Variants in CDIN1 observed in about 807,000 individuals in gnomAD.
The protein encoded by CDIN1 is CDAN1-interacting nuclease 1.
In CDIN1, 33 loss-of-function variants were observed where a neutral mutation model predicts 45.3. The ratio of observed to expected loss-of-function variants is 0.73; its 90% confidence interval spans 0.55 to 0.97. The LOEUF is 0.97. Ranked by LOEUF, CDIN1 falls within the 50% of genes least tolerant of loss-of-function variation. The pLI, the probability that CDIN1 is intolerant of heterozygous loss-of-function variation, is 0.00. For synonymous variants in CDIN1, 118 were observed against 124.4 expected (o/e 0.95, Z 0.34); for missense variants, 303 against 339.4 (o/e 0.89, Z 0.84).
intron 10 of CDIN1, among the ~76,000 whole-genome samples, chr15:36,718,017 G>A (rs2043273942): frequency 3.0e-5 from 2 of 66,402 alleles, no homozygotes; most frequent in African/African-American, 9.3e-5. Flanking sequence ...TTAGTTAATT[G>A]AGTTGCTTTC....
chr15:36,635,604 A>G (rs1417707316), intron 1 of CDIN1, among the ~76,000 whole-genome samples: 1 of 152,140 alleles, frequency 6.6e-6, no homozygotes, highest in Admixed American at 6.5e-5. Context: ...TCAGTTGCAT[A>G]AGGACACATG....
At chr15:36,802,109 G>A (rs1267668541) in intron 10 of CDIN1, among the ~76,000 whole-genome samples, 1 of 152,212 alleles carries the variant, frequency 6.6e-6, no homozygotes, top group East Asian at 1.9e-4. Context: ...GTAAAGCATA[G>A]TAGTTACAAG....
intron 5 of CDIN1, among the ~76,000 whole-genome samples, chr15:36,660,136 A>G (rs998870366): frequency 2.6e-5 from 4 of 152,032 alleles, no homozygotes; most frequent in African/African-American, 9.7e-5. Context: ...GAGTTTTGTA[A>G]TGTGTTTCCA....
At chr15:36,689,072 T>C (rs561372889) in intron 5 of CDIN1, among the ~76,000 whole-genome samples, 1 of 152,344 alleles carries the variant, frequency 6.6e-6, no homozygotes, top group African/African-American at 2.4e-5. Context: ...ACTGACTTCC[T>C]CTGGCAAGTT....
chr15:36,667,434 G>A lies in CDIN1; in HGVS notation c.346+9529G>A, dbSNP rs1005657645. Reference sequence around the variant, plus strand: ...GTGTAGCACCTAAAACGCTTTGTGTGTACAGCTATAAAAAGAAAGTAATGT... The same window carrying A: ...GTGTAGCACCTAAAACGCTTTGTGTATACAGCTATAAAAAGAAAGTAATGT... On this transcript the variant is annotated intron_variant, in intron 5 of 10. Coordinates refer to ENST00000566621, the MANE Select transcript of CDIN1 (RefSeq NM_001321759.2). Among the ~76,000 whole-genome samples, 6 of 152,276 alleles carry A rather than the reference G, an allele frequency of 3.9e-5. No individual in the cohort carries two copies. The East Asian group carries it at 7.7e-4, about 20-fold the overall frequency.
At chr15:36,673,776 TA>T (rs1212858956) in intron 5 of CDIN1, among the ~76,000 whole-genome samples, 1 of 152,046 alleles carries the variant, frequency 6.6e-6, no homozygotes, top group Non-Finnish European at 1.5e-5. Context: ...CTATACCAAA[TA>T]AAAGGCTTCC....
chr15:36,597,895 G>C (rs1476666021), intron 1 of CDIN1, among the ~76,000 whole-genome samples: 2 of 152,122 alleles, frequency 1.3e-5, no homozygotes, highest in African/African-American at 4.8e-5. Flanking sequence ...AGCTTCTTTG[G>C]GAACCTGAGA....
chr15:36,585,599 T>C (rs2037259183), intron 1 of CDIN1, among the ~76,000 whole-genome samples: 1 of 152,214 alleles, frequency 6.6e-6, no homozygotes, highest in Admixed American at 6.5e-5. Context: ...TGACTTCATA[T>C]GTCTTATTAT....
chr15:36,777,930 A>G (rs1240428245), intron 10 of CDIN1, among the ~76,000 whole-genome samples: 3 of 152,220 alleles, frequency 2.0e-5, no homozygotes, highest in Non-Finnish European at 4.4e-5. Context: ...TTCAAAGGCA[A>G]TTGGAAGATA....
intron 1 of CDIN1, among the ~76,000 whole-genome samples, chr15:36,587,766 A>C (rs1024331364): frequency 3.9e-5 from 6 of 152,158 alleles, no homozygotes; most frequent in African/African-American, 1.4e-4. Flanking sequence ...ATCTCTTTTT[A>C]TCTGAGTCAC....
At chr15:36,630,211 A>G (rs2039622276) in intron 1 of CDIN1, among the ~76,000 whole-genome samples, 1 of 152,210 alleles carries the variant, frequency 6.6e-6, no homozygotes, top group Admixed American at 6.5e-5. Flanking sequence ...CACTGTAGCT[A>G]TTGACCTAGA....
chr15:36,689,577 A>T (rs2042170312), intron 5 of CDIN1, among the ~76,000 whole-genome samples: 1 of 152,142 alleles, frequency 6.6e-6, no homozygotes, highest in South Asian at 2.1e-4. Context: ...GGCCAGAGAG[A>T]GTTCCCTCTA....
chr15:36,701,122 G>GTAGATAGATAGA (rs200063950), intron 8 of CDIN1, among the ~76,000 whole-genome samples: 202 of 103,866 alleles, frequency 1.9e-3, no homozygotes, highest in African/African-American at 3.9e-3. Flanking sequence ...AGATAGGTAG[G>GTAGATAGATAGA]TAGATAGATA....
At chr15:36,680,832 T>A (rs1032239378) in intron 5 of CDIN1, among the ~76,000 whole-genome samples, 1 of 152,194 alleles carries the variant, frequency 6.6e-6, no homozygotes, top group Non-Finnish European at 1.5e-5. Flanking sequence ...TTTGTGGGGT[T>A]GGGTCCAAAT....
At chr15:36,726,661 G>A (rs533855692) in intron 10 of CDIN1, among the ~76,000 whole-genome samples, 1 of 152,306 alleles carries the variant, frequency 6.6e-6, no homozygotes, top group East Asian at 1.9e-4. Context: ...ACTCAAGTGG[G>A]CAGATAGTTT....
chr15:36,780,200 G>C (rs1416041339), intron 10 of CDIN1, among the ~76,000 whole-genome samples: 1 of 152,142 alleles, frequency 6.6e-6, no homozygotes, highest in African/African-American at 2.4e-5. Flanking sequence ...AGATTTTTCA[G>C]TTCCTCATTC....
chr15:36,739,897 C>T (rs1031971072), intron 10 of CDIN1, among the ~76,000 whole-genome samples: 3 of 152,146 alleles, frequency 2.0e-5, no homozygotes, highest in East Asian at 3.8e-4. Context: ...ATGAAATATA[C>T]AAAGTTTTAT....
intron 10 of CDIN1, among the ~76,000 whole-genome samples, chr15:36,728,379 T>C (rs1007703899): frequency 6.6e-6 from 1 of 152,024 alleles, no homozygotes. Flanking sequence ...AGACATTTGT[T>C]TGTGGGTCTG....
At position 36,721,086 on chromosome 15, in the gene CDIN1, A is replaced by T. The variant is rs1012817349; in HGVS notation, c.716+11125A>T. On this transcript the variant is annotated intron_variant, in intron 10 of 10. Coordinates refer to ENST00000566621, the MANE Select transcript of CDIN1 (RefSeq NM_001321759.2). Reference sequence around the variant, plus strand: ...CTGCATAAATGTCTTCTTTTGAGAAATGTCTGTTCATATCCTTTGCCCACT... The same window carrying T: ...CTGCATAAATGTCTTCTTTTGAGAATTGTCTGTTCATATCCTTTGCCCACT... 2.6e-5 allele frequency among the ~76,000 whole-genome samples: 3 copies of T among 113,358 alleles called. No individual in the cohort carries two copies. In the East Asian group the frequency reaches 8.4e-4, roughly 32 times the overall value. 74.4% of individuals were successfully genotyped at this position (113,358 alleles called of 152,430 possible). A position where few individuals can be genotyped will look rare whatever the true frequency, so the allele number is the denominator to read the frequency against.
Sources: gnomAD v4.1 joint callset for allele counts (sites outside exome capture counted in the v4.1 genomes callset) on GRCh38, gnomAD v4.1.1 for gene constraint, MANE v1.5 for transcripts, NCBI Gene and HGNC (gene_info 2026-07-23, HGNC 2026-07-21) for gene names.